RHD: variants seen among roughly 807,000 people sequenced by gnomAD.
RHD encodes blood group Rh(D) polypeptide.
Under a neutral mutation model 45.5 loss-of-function variants are expected in RHD, and 16 were observed. The ratio of observed to expected loss-of-function variants is 0.35; its 90% CI spans 0.24 to 0.53. RHD has a LOEUF of 0.53. Among genes scored for constraint, RHD ranks in the 20% least tolerant of loss-of-function variants. The pLI is 0.92. For missense variants in RHD, 306 were observed against 532.0 expected, an observed-to-expected ratio of 0.58 and a Z score of 4.18; for synonymous variants, 131 against 217.5, an observed-to-expected ratio of 0.60 and a Z score of 3.50.
chr1:25,308,372 T>TG lies in RHD; in HGVS notation c.1073+1648dup, dbSNP rs1191121436. On this transcript the variant is annotated intron_variant, in intron 7 of 9. Transcript: ENST00000328664. The stretch of plus-strand genomic sequence containing the variant: ...CCCCAGACCTACCCAGTTAGAAATC[T>TG]GGGGGTGGGACCTATCAGTCCATGT... 6.1e-5 allele frequency among the ~76,000 whole-genome samples: 7 copies of TG among 115,288 alleles called. 3 individuals are homozygous for TG. Among genetic ancestry groups the TG allele is most frequent in the Non-Finnish European group, 1.4e-4 (7 of 49,028 alleles). The allele number at this position is 115,288 out of a possible 152,430, so 75.6% of individuals were successfully genotyped here.
rs570864661 is a variant in RHD, at chr1:25,294,168, A to G, written c.486+3377A>G. On this transcript the variant is annotated intron_variant, in intron 3 of 9. Transcript: ENST00000328664. ...CAAAGTAGGAAGTCAAAAAGGTCAG[A>G]GCTTCCACAGCATGGCAACAGCTTT... 2.1e-4 allele frequency: 154 copies of G among 750,184 alleles called. 11 individuals carry two copies. The East Asian group carries it at 3.6e-3, about 18-fold the overall frequency. 46.5% of individuals were successfully genotyped at this position (750,184 alleles called of 1,614,324 possible).
Position 25,276,863 on chromosome 1 carries a change from G to C in RHD, c.148+4168G>C, listed in dbSNP as rs1265678292. Among the ~76,000 whole-genome samples the C allele has an allele frequency of 3.6e-4, 48 of 132,274 alleles. 11 individuals carry two copies. Among genetic ancestry groups the C allele is most frequent in the Admixed American group, 1.5e-3 (21 of 13,608 alleles). The allele number at this position is 132,274 out of a possible 152,430, so 86.8% of individuals were successfully genotyped here. On this transcript the variant is annotated intron_variant, in intron 1 of 9. Transcript: ENST00000328664. ...AGGCAGATCACGAGGTCTGGAGATG[G>C]AGACCATCCTGGCTAACACGATGAA...
At position 25,298,743 on chromosome 1, in the gene RHD, C is replaced by A. The variant is rs954170933; in HGVS notation, c.487-2203C>A. 3.0e-5 allele frequency among the ~76,000 whole-genome samples: 4 copies of A among 131,192 alleles called. 1 individual carries two copies. Among genetic ancestry groups the A allele is most frequent in the Admixed American group, 1.5e-4 (2 of 13,418 alleles). The allele number at this position is 131,192 out of a possible 152,430, so 86.1% of individuals were successfully genotyped here. ...GGGACTCTTGTGGCAGTGGAAAATA[C>A]AACTCTCATGGAACGTCTGTTCCAG... On this transcript the variant is annotated intron_variant, in intron 3 of 9. Coordinates refer to ENST00000328664, the MANE Select transcript of RHD (RefSeq NM_016124.6).
intron 1 of RHD, among the ~76,000 whole-genome samples, chr1:25,284,197 A>G (rs143795624): frequency 0.031 from 4,223 of 135,976 alleles, 607 homozygotes; most frequent in African/African-American, 0.1. Context: ...CTCATATGCA[A>G]TAACAGCAGC....
In RHD at chr1:25,313,900, A is replaced by G. The variant is rs1388956888; in HGVS notation, c.1074-3100A>G. Among the ~76,000 whole-genome samples the G allele has an allele frequency of 5.3e-5, 7 of 133,320 alleles. 2 individuals are homozygous for G. The highest frequency in any genetic ancestry group is 5.1e-4 in the Admixed American group (7 of 13,668). 87.5% of individuals were successfully genotyped at this position (133,320 alleles called of 152,430 possible). A position where few individuals can be genotyped will look rare whatever the true frequency, so the allele number is the denominator to read the frequency against. ...GCCCTGTCATAAATGAATGCCAGAT[A>G]GGCAAATAGAGAATCTAAGAAAAGA... On this transcript the variant is annotated intron_variant, in intron 7 of 9. Transcript: ENST00000328664.
chr1:25,320,995 G>A (rs1364452070), intron 8 of RHD, among the ~76,000 whole-genome samples: 1 of 131,592 alleles, frequency 7.6e-6, no homozygotes, highest in Non-Finnish European at 1.8e-5. Context: ...AATGAGCTGT[G>A]ATTGTGCCAC....
At position 25,275,696 on chromosome 1, in the gene RHD, A is replaced by G. The variant is rs1256572900; in HGVS notation, c.148+3001A>G. Among the ~76,000 whole-genome samples, 2 of 133,524 alleles carry G rather than the reference A, an allele frequency of 1.5e-5. 1 individual carries two copies. Among genetic ancestry groups the G allele is most frequent in the Non-Finnish European group, 3.6e-5 (2 of 56,260 alleles). 87.6% of individuals were successfully genotyped at this position (133,524 alleles called of 152,430 possible). A position where few individuals can be genotyped will look rare whatever the true frequency, so the allele number is the denominator to read the frequency against. ...AAAATGAAATATATAATATTTTCAA[A>G]TTACTAATCATAATGGTGTCAATCT... On this transcript the variant is annotated intron_variant, in intron 1 of 9. Transcript: ENST00000328664.
chr1:25,321,603 G>C lies in RHD; in HGVS notation c.1154-286G>C, dbSNP rs11485914. On this transcript the variant is annotated intron_variant, in intron 8 of 9. Coordinates refer to ENST00000328664, the MANE Select transcript of RHD (RefSeq NM_016124.6). Reference sequence around the variant, plus strand: ...GATAATCGCTTGAACCTGGGAGGCAGAGGCTGCAGTGAGCCGAGATCACGC... The same window carrying C: ...GATAATCGCTTGAACCTGGGAGGCACAGGCTGCAGTGAGCCGAGATCACGC... Among the ~76,000 whole-genome samples the C allele has an allele frequency of 1.6e-5, 2 of 126,384 alleles. 1 individual carries two copies. The highest frequency in any genetic ancestry group is 5.3e-5 in the African/African-American group (2 of 37,552). The allele number at this position is 126,384 out of a possible 152,430, so 82.9% of individuals were successfully genotyped here.
chr1:25,293,905 T>C (rs954506579), intron 3 of RHD, among the ~76,000 whole-genome samples: 1 of 132,086 alleles, frequency 7.6e-6, no homozygotes, highest in African/African-American at 2.6e-5. Flanking sequence ...TGTTTAGTTA[T>C]ATTGTGAGTC....
intron 8 of RHD, among the ~76,000 whole-genome samples, chr1:25,317,721 C>T (rs1262361830): frequency 6.7e-5 from 3 of 44,846 alleles, no homozygotes; most frequent in Non-Finnish European, 1.1e-4. Flanking sequence ...GGGAGATATG[C>T]GATGCATTTA....
At chr1:25,311,922 C>T (rs544384440) in intron 7 of RHD, among the ~76,000 whole-genome samples, 1 of 131,046 alleles carries the variant, frequency 7.6e-6, no homozygotes, top group South Asian at 2.3e-4. Flanking sequence ...ACAGCCACCC[C>T]AGAGAGCCCC....
chr1:25,300,660 T>G lies in RHD; in HGVS notation c.487-286T>G, dbSNP rs1340477855. Reference sequence around the variant, plus strand: ...CCCCATCTCTACTAAAAATACAAAATTAGCCCAGCGTAGTGGCGCATGCCT... The same window carrying G: ...CCCCATCTCTACTAAAAATACAAAAGTAGCCCAGCGTAGTGGCGCATGCCT... On this transcript the variant is annotated intron_variant, in intron 3 of 9. Transcript: ENST00000328664. Among the ~76,000 whole-genome samples, 4 of 130,498 alleles carry G rather than the reference T, an allele frequency of 3.1e-5. 2 individuals are homozygous for G. The highest frequency in any genetic ancestry group is 7.2e-5 in the Non-Finnish European group (4 of 55,284). 85.6% of individuals were successfully genotyped at this position (130,498 alleles called of 152,430 possible). A position where few individuals can be genotyped will look rare whatever the true frequency, so the allele number is the denominator to read the frequency against.
chr1:25,312,962 T>G lies in RHD; in HGVS notation c.1074-4038T>G, dbSNP rs1317869892. Reference sequence around the variant, plus strand: ...AAAAAAAAAAAAAAAAAAACTTTAGTGCTATTGGAATGAATTTTGCATGTA... The same window carrying G: ...AAAAAAAAAAAAAAAAAAACTTTAGGGCTATTGGAATGAATTTTGCATGTA... On this transcript the variant is annotated intron_variant, in intron 7 of 9. Coordinates refer to ENST00000328664, the MANE Select transcript of RHD (RefSeq NM_016124.6). Among the ~76,000 whole-genome samples, 22 of 32,734 alleles carry G rather than the reference T, an allele frequency of 6.7e-4. 5 individuals carry two copies. Among genetic ancestry groups the G allele is most frequent in the Non-Finnish European group, 1.8e-3 (19 of 10,460 alleles). The allele number at this position is 32,734 out of a possible 152,430, so 21.5% of individuals were successfully genotyped here.
intron 2 of RHD, among the ~76,000 whole-genome samples, chr1:25,288,210 A>G (rs1269263348): frequency 1.5e-5 from 2 of 129,086 alleles, no homozygotes; most frequent in African/African-American, 5.3e-5. Context: ...CAGAGACAGG[A>G]CCTCACTGTG....
rs1370731968 is a variant in RHD, at chr1:25,318,753, A to T, written c.1153+1674A>T. Among the ~76,000 whole-genome samples, 3 of 132,738 alleles carry T rather than the reference A, an allele frequency of 2.3e-5. 1 individual carries two copies. The highest frequency in any genetic ancestry group is 7.7e-5 in the African/African-American group (3 of 39,000). The allele number at this position is 132,738 out of a possible 152,430, so 87.1% of individuals were successfully genotyped here. The stretch of plus-strand genomic sequence containing the variant: ...CACTATGAGTTGTGTGACGTTGGGC[A>T]TGTCACTTTACTCCCTCTGAGCCTT... On this transcript the variant is annotated intron_variant, in intron 8 of 9. Coordinates refer to ENST00000328664, the MANE Select transcript of RHD (RefSeq NM_016124.6).
At chr1:25,311,062 G>T (rs1456665616) in intron 7 of RHD, among the ~76,000 whole-genome samples, 1 of 132,148 alleles carries the variant, frequency 7.6e-6, no homozygotes, top group Non-Finnish European at 1.8e-5. Context: ...CCCAGAACTA[G>T]GGAAAGTCTG....
At chr1:25,318,491 AG>A (rs1450979990) in intron 8 of RHD, among the ~76,000 whole-genome samples, 1 of 130,986 alleles carries the variant, frequency 7.6e-6, no homozygotes, top group Non-Finnish European at 1.8e-5. Context: ...GGGAGGCTGA[AG>A]TAGGGGAATG....
At chr1:25,278,056 T>C (rs1641168606) in intron 1 of RHD, among the ~76,000 whole-genome samples, 1 of 130,300 alleles carries the variant, frequency 7.7e-6, no homozygotes, top group South Asian at 2.4e-4. Flanking sequence ...CTGGTGATTG[T>C]ATTGAGCATT....
Position 25,284,154 on chromosome 1 carries a change from C to T in RHD, c.149-419C>T, listed in dbSNP as rs71652366. 1.0e-4 allele frequency among the ~76,000 whole-genome samples: 14 copies of T among 135,888 alleles called. 1 individual carries two copies. Among genetic ancestry groups the T allele is most frequent in the African/African-American group, 3.5e-4 (14 of 39,460 alleles). 89.1% of individuals were successfully genotyped at this position (135,888 alleles called of 152,430 possible). On this transcript the variant is annotated intron_variant, in intron 1 of 9. Transcript: ENST00000328664. ...ACAAGTCACTTGGCTTCTGTGGCTT[C>T]ATTTTCTCATGTGCCCAGCCAGGGG...
Sources: allele counts gnomAD v4.1 joint callset (sites outside exome capture counted in the v4.1 genomes callset), GRCh38; gene constraint gnomAD v4.1.1; transcripts MANE v1.5; gene names NCBI Gene and HGNC (gene_info 2026-07-23, HGNC 2026-07-21).